The following ZNF469 variants were observed in gnomAD, a reference collection of about 807,000 sequenced individuals.
ZNF469 encodes zinc finger protein 469.
A neutral mutation model predicts 1.0 loss-of-function variants in ZNF469; 1 was observed. The ratio of observed to expected loss-of-function variants is 1.00; its 90% CI spans 0.35 to 4.73. ZNF469 has a LOEUF of 4.73. ZNF469 is among the 30% of genes most tolerant of loss of function. ZNF469 has a pLI of 0.16. For synonymous variants in ZNF469, 2,703 were observed against 2,363.4 expected (o/e 1.14, Z -4.17); for missense variants, 6,100 against 5,356.3 (o/e 1.14, Z -4.33).
At chr16:88,305,555 C>A in the ZNF469 span, among the ~76,000 whole-genome samples, 1 of 151,302 alleles carries the variant, frequency 6.6e-6, no homozygotes, top group Non-Finnish European at 1.5e-5. Context: ...TGTGTGCACA[C>A]CCTCACACGT....
chr16:88,430,771 G>T lies in ZNF469; in HGVS notation c.3301G>T (p.Asp1101Tyr). 6.6e-7 allele frequency: 1 copy of T among 1,524,090 alleles called. No individual in the cohort carries two copies. The highest frequency in any genetic ancestry group is 8.8e-7 in the Non-Finnish European group (1 of 1,142,214). The allele number at this position is 1,524,090 out of a possible 1,614,324, so 94.4% of individuals were successfully genotyped here. The change falls in exon 3 of 3, where the codon GAC (aspartate) becomes TAC (tyrosine). Residue 1101 changes from aspartate (D) to tyrosine (Y), a missense_variant. Transcript: ENST00000565624. ...EYDFASESEE[D>Y]EQPPPRGPGF... is the part of the protein sequence containing the mutation. ...CGACTTCGCCTCGGAGTCCGAGGAG[G>T]ACGAGCAGCCTCCGCCGCGGGGCCC...
At chr16:88,356,761 G>A in the ZNF469 span, among the ~76,000 whole-genome samples, 1 of 152,188 alleles carries the variant, frequency 6.6e-6, no homozygotes. Flanking sequence ...GGTCAGTCCT[G>A]GCACAGCCTG....
the ZNF469 span, among the ~76,000 whole-genome samples, chr16:88,342,898 C>G: frequency 6.6e-6 from 1 of 152,226 alleles, no homozygotes; most frequent in Non-Finnish European, 1.5e-5. Flanking sequence ...GGTGGTGGGT[C>G]CCTGTGGGAG....
At chr16:88,290,479 T>C in the ZNF469 span, among the ~76,000 whole-genome samples, 46 of 152,196 alleles carry the variant, frequency 3.0e-4, no homozygotes, top group Admixed American at 2.6e-3. Flanking sequence ...TTCAGAGCCA[T>C]GTTCAGGTTC....
At chr16:88,293,941 C>T in the ZNF469 span, among the ~76,000 whole-genome samples, 19 of 152,240 alleles carry the variant, frequency 1.2e-4, no homozygotes, top group Non-Finnish European at 1.6e-4. Context: ...GTGGAGGGAA[C>T]GGTGTGAAGA....
the ZNF469 span, among the ~76,000 whole-genome samples, chr16:88,182,351 T>TC: frequency 1.6e-3 from 245 of 151,922 alleles, 1 homozygote; most frequent in African/African-American, 5.7e-3. Flanking sequence ...TCATCAGACT[T>TC]TTTTTTTCTT....
chr16:88,320,027 C>G, the ZNF469 span, among the ~76,000 whole-genome samples: 1 of 152,210 alleles, frequency 6.6e-6, no homozygotes, highest in Non-Finnish European at 1.5e-5. Flanking sequence ...AGGCACCCCC[C>G]AAATGTCCAA....
the ZNF469 span, among the ~76,000 whole-genome samples, chr16:88,260,056 A>G: frequency 6.6e-6 from 1 of 151,714 alleles, no homozygotes; most frequent in Non-Finnish European, 1.5e-5. The surrounding 1 kb of genome is among the most constrained non-coding windows in gnomAD (Gnocchi z 4.1). Flanking sequence ...TGGCTCACTG[A>G]AACCTCCGCC....
the ZNF469 span, among the ~76,000 whole-genome samples, chr16:88,347,108 T>C: frequency 1.3e-5 from 2 of 152,164 alleles, no homozygotes; most frequent in African/African-American, 2.4e-5. Context: ...CTCAGCATGG[T>C]GTCACCTGTG....
the ZNF469 span, chr16:88,101,025 C>A: frequency 4.0e-6 from 1 of 249,104 alleles, no homozygotes; most frequent in Non-Finnish European, 7.9e-6. Flanking sequence ...TGCAGCCACA[C>A]ACCACAGGGG....
the ZNF469 span, among the ~76,000 whole-genome samples, chr16:88,354,216 C>T: frequency 1.1e-4 from 17 of 152,264 alleles, no homozygotes; most frequent in African/African-American, 2.6e-4. Flanking sequence ...CCGCAGGAGC[C>T]GCCAGCATTT....
chr16:88,185,771 C>G, the ZNF469 span, among the ~76,000 whole-genome samples: 72 of 149,122 alleles, frequency 4.8e-4, 1 homozygote, highest in East Asian at 0.014. Flanking sequence ...CAGACACATT[C>G]GCACACTCAC....
At chr16:88,136,677 G>A in the ZNF469 span, among the ~76,000 whole-genome samples, 2,912 of 152,340 alleles carry the variant, frequency 0.019, 96 homozygotes, top group African/African-American at 0.066. Flanking sequence ...GACGTCTGAT[G>A]GCTCATCTCA....
the ZNF469 span, among the ~76,000 whole-genome samples, chr16:88,277,543 G>C: frequency 0.11 from 11,804 of 103,948 alleles, 680 homozygotes; most frequent in Non-Finnish European, 0.15. Context: ...GCTGCGCCAC[G>C]CCGACACTCG....
At chr16:88,359,397 G>C in the ZNF469 span, among the ~76,000 whole-genome samples, 1 of 151,916 alleles carries the variant, frequency 6.6e-6, no homozygotes. Flanking sequence ...GCTTCTGAGT[G>C]TCCCGCGGGC....
intron 1 of ZNF469, among the ~76,000 whole-genome samples, chr16:88,404,458 A>G (rs905204604): frequency 1.3e-5 from 2 of 152,122 alleles, no homozygotes; most frequent in Non-Finnish European, 1.5e-5. Context: ...GAGGTTGTCC[A>G]CCCACATATC....
chr16:88,249,128 C>T, the ZNF469 span, among the ~76,000 whole-genome samples: 4 of 152,038 alleles, frequency 2.6e-5, no homozygotes, highest in Non-Finnish European at 5.9e-5. Context: ...TCCAGTATCC[C>T]ATGTCCCAGG....
the ZNF469 span, among the ~76,000 whole-genome samples, chr16:88,278,866 T>A: frequency 5.3e-3 from 326 of 61,818 alleles, 33 homozygotes; most frequent in Admixed American, 9.4e-3. Context: ...GTTAGTGCTG[T>A]GCCACGCCGA....
chr16:88,160,554 C>A, the ZNF469 span, among the ~76,000 whole-genome samples: 5 of 152,100 alleles, frequency 3.3e-5, no homozygotes, highest in African/African-American at 7.2e-5. Context: ...AGAGGCCTGG[C>A]GAGGCCTGAG....
Sources: gnomAD v4.1 joint callset for allele counts (sites outside exome capture counted in the v4.1 genomes callset) on GRCh38, gnomAD v4.1.1 for gene constraint, Gnocchi (gnomAD v3.1) non-coding constraint, MANE v1.5 for transcripts, NCBI Gene and HGNC (gene_info 2026-07-23, HGNC 2026-07-21) for gene names.